Variants in PRICKLE2 observed in about 807,000 individuals in gnomAD.
PRICKLE2 encodes prickle planar cell polarity protein 2, also known as prickle-like protein 2.
PRICKLE2 carries 21 observed loss-of-function variants against 81.4 expected under a neutral mutation model. The observed-to-expected ratio is 0.26, with a 90% CI of 0.18 to 0.37. The LOEUF (loss-of-function observed/expected upper bound fraction) is 0.37. Among genes scored for constraint, PRICKLE2 ranks in the 10% least tolerant of loss-of-function variants. The probability of loss-of-function intolerance (pLI) is 1.00; values close to 1 mark genes in which losing one functional copy is unlikely to be tolerated. For synonymous variants in PRICKLE2, 456 were observed against 421.5 expected, an observed-to-expected ratio of 1.08 and a Z score of -1.00; for missense variants, 940 against 1,109.0, an observed-to-expected ratio of 0.85 and a Z score of 2.16.
At chr3:64,110,679 A>C (rs1438148987) in intron 7 of PRICKLE2, among the ~76,000 whole-genome samples, 1 of 152,144 alleles carries the variant, frequency 6.6e-6, no homozygotes, top group African/African-American at 2.4e-5. Context: ...TGTTCCAGGC[A>C]GAGGGAGCAA....
intron 3 of PRICKLE2, among the ~76,000 whole-genome samples, chr3:64,162,147 G>A (rs145770132): frequency 1.3e-5 from 2 of 152,126 alleles, no homozygotes; most frequent in African/African-American, 4.8e-5. Context: ...GATTCAGCTC[G>A]TGGGTTGGAG....
chr3:64,167,066 C>G (rs2077846244), intron 2 of PRICKLE2, among the ~76,000 whole-genome samples: 1 of 152,228 alleles, frequency 6.6e-6, no homozygotes, highest in Non-Finnish European at 1.5e-5. Flanking sequence ...AAACAAACAT[C>G]AAGTGAACCA....
intron 4 of PRICKLE2, among the ~76,000 whole-genome samples, chr3:64,158,316 CACAA>C (rs1263633352): frequency 1.3e-5 from 2 of 152,218 alleles, no homozygotes; most frequent in Non-Finnish European, 2.9e-5. Context: ...GTAAAGACCT[CACAA>C]ACAGTCTCTG....
intron 2 of PRICKLE2, among the ~76,000 whole-genome samples, chr3:64,169,570 C>T (rs1045416819): frequency 6.6e-6 from 1 of 151,980 alleles, no homozygotes; most frequent in African/African-American, 2.4e-5. Context: ...GAAAAGGAGG[C>T]CAGAACTATG....
intron 2 of PRICKLE2, among the ~76,000 whole-genome samples, chr3:64,188,972 A>G (rs2078285421): frequency 6.6e-6 from 1 of 152,190 alleles, no homozygotes; most frequent in African/African-American, 2.4e-5. Context: ...TTATTCAGCT[A>G]TTAAGTTGTC....
chr3:64,213,067 G>GTTT (rs1167223665), intron 1 of PRICKLE2, among the ~76,000 whole-genome samples: 1 of 142,832 alleles, frequency 7.0e-6, no homozygotes, highest in African/African-American at 2.6e-5. Flanking sequence ...ACTAATGACT[G>GTTT]TTTTTTGTTC....
At chr3:64,186,559 C>T (rs1212921725) in intron 2 of PRICKLE2, among the ~76,000 whole-genome samples, 1 of 152,140 alleles carries the variant, frequency 6.6e-6, no homozygotes, top group Non-Finnish European at 1.5e-5. Flanking sequence ...TGGCTCCAGG[C>T]CACCTAAAGC....
At chr3:64,155,470 A>C (rs957727463) in intron 5 of PRICKLE2, among the ~76,000 whole-genome samples, 1 of 152,174 alleles carries the variant, frequency 6.6e-6, no homozygotes, top group Non-Finnish European at 1.5e-5. Context: ...GTTTTGGAAG[A>C]CAATTTGGCA....
intron 2 of PRICKLE2, among the ~76,000 whole-genome samples, chr3:64,254,565 A>G (rs1413046957): frequency 2.6e-5 from 4 of 152,174 alleles, no homozygotes; most frequent in African/African-American, 9.7e-5. Context: ...ACTAATTATT[A>G]TTAGAGTACA....
chr3:64,177,936 G>T (rs1400496327), intron 2 of PRICKLE2, among the ~76,000 whole-genome samples: 1 of 152,188 alleles, frequency 6.6e-6, no homozygotes, highest in Admixed American at 6.5e-5. Flanking sequence ...GGAATTACTG[G>T]ATGATATGGT....
intron 2 of PRICKLE2, among the ~76,000 whole-genome samples, chr3:64,169,596 A>G (rs1178210829): frequency 6.6e-6 from 1 of 152,222 alleles, no homozygotes; most frequent in Admixed American, 6.5e-5. Context: ...TTAACACCTC[A>G]GACCACTCCA....
intron 7 of PRICKLE2, among the ~76,000 whole-genome samples, chr3:64,118,832 C>A (rs1483862665): frequency 6.8e-6 from 1 of 147,100 alleles, no homozygotes; most frequent in African/African-American, 2.5e-5. Context: ...TCCTCAGAGA[C>A]CTAATAACAG....
chr3:64,168,927 T>C (rs1256863487), intron 2 of PRICKLE2, among the ~76,000 whole-genome samples: 1 of 152,078 alleles, frequency 6.6e-6, no homozygotes, highest in Non-Finnish European at 1.5e-5. Flanking sequence ...TTACAGTCTT[T>C]CCACAACACC....
At chr3:64,160,134 G>A in intron 3 of PRICKLE2, 57 bp from the exon 4 acceptor site, 1 of 1,586,246 alleles carries the variant, frequency 6.3e-7, no homozygotes. Flanking sequence ...TAAGATTTCT[G>A]AAGCCCATGA....
At chr3:64,243,217 C>T (rs527810866) in intron 2 of PRICKLE2, among the ~76,000 whole-genome samples, 5 of 152,190 alleles carry the variant, frequency 3.3e-5, no homozygotes, top group African/African-American at 9.6e-5. Context: ...AATGATGTAC[C>T]CATTTCTTTA....
At chr3:64,112,647 T>G (rs1340257684) in intron 7 of PRICKLE2, among the ~76,000 whole-genome samples, 1 of 152,142 alleles carries the variant, frequency 6.6e-6, no homozygotes, top group Non-Finnish European at 1.5e-5. Context: ...TCAAAAAAAG[T>G]TAACCTCCAA....
intron 7 of PRICKLE2, among the ~76,000 whole-genome samples, chr3:64,111,696 A>C (rs1213216510): frequency 6.6e-6 from 1 of 152,222 alleles, no homozygotes. Context: ...CATTTATAGA[A>C]AGTTAAAATC....
At chr3:64,261,940 A>G (rs554403108) in intron 2 of PRICKLE2, among the ~76,000 whole-genome samples, 7 of 152,358 alleles carry the variant, frequency 4.6e-5, no homozygotes, top group African/African-American at 1.7e-4. Flanking sequence ...AAGGTTGTCA[A>G]GTAATCAAGG....
intron 2 of PRICKLE2, among the ~76,000 whole-genome samples, chr3:64,251,274 C>A (rs918552286): frequency 6.6e-6 from 1 of 152,182 alleles, no homozygotes; most frequent in Non-Finnish European, 1.5e-5. Flanking sequence ...GTAGTCCCTG[C>A]TCCACGCAAA....
Sources: allele counts gnomAD v4.1 joint callset (sites outside exome capture counted in the v4.1 genomes callset), GRCh38; gene constraint gnomAD v4.1.1; transcripts MANE v1.5; gene names NCBI Gene and HGNC (gene_info 2026-07-23, HGNC 2026-07-21).